The following SLFN11 variants were observed in gnomAD, a reference collection of about 807,000 sequenced individuals.
SLFN11 encodes schlafen family member 11.
Under a neutral mutation model 53.4 loss-of-function variants are expected in SLFN11, and 43 were observed. The ratio of observed to expected loss-of-function variants is 0.80; its 90% CI spans 0.63 to 1.04. The LOEUF (loss-of-function observed/expected upper bound fraction) is 1.04. SLFN11 is among the 50% of genes least tolerant of loss of function. The pLI is 0.00. For missense variants in SLFN11, 990 were observed against 1,079.1 expected (o/e 0.92, Z 1.16); for synonymous variants, 389 against 394.7 (o/e 0.99, Z 0.17).
intron 5 of SLFN11, chr17:35,359,987 T>C (rs1278316063): frequency 2.8e-6 from 1 of 353,040 alleles, no homozygotes; most frequent in Non-Finnish European, 5.1e-6. Flanking sequence ...ATCAGCCAGA[T>C]TTGGGAACTA....
At chr17:35,360,520 T>C in intron 4 of SLFN11, 149 bp from the exon 5 acceptor site, 1 of 796,788 alleles carries the variant, frequency 1.3e-6, no homozygotes. Flanking sequence ...TTACTCTAGA[T>C]AAGTGCCTTT....
intron 3 of SLFN11, among the ~76,000 whole-genome samples, chr17:35,365,302 T>C (rs1457516361): frequency 6.6e-6 from 1 of 152,048 alleles, no homozygotes; most frequent in East Asian, 1.9e-4. Flanking sequence ...AAAATATTTT[T>C]TGCGTGTGAG....
chr17:35,363,457 T>G lies in SLFN11; in HGVS notation c.351A>C (p.Glu117Asp). 1 of 1,613,920 alleles carries G rather than the reference T, an allele frequency of 6.2e-7. No individual in the cohort carries two copies. Among genetic ancestry groups the G allele is most frequent in the Non-Finnish European group, 8.5e-7 (1 of 1,179,938 alleles). Reference sequence around the variant, plus strand: ...AAAGGCGGGGCTTGACAGAGCGATCTTCAGGGAAAGGGCCACTGCTCCAAG... The same window carrying G: ...AAAGGCGGGGCTTGACAGAGCGATCGTCAGGGAAAGGGCCACTGCTCCAAG... Reference protein sequence around the residue: ...VKSWSSGPFPEDRSVKPRLCS... With the variant: ...VKSWSSGPFPDDRSVKPRLCS... The change falls in exon 4 of 7, where the codon GAA (glutamate) becomes GAC (aspartate). Residue 117 changes from glutamate to aspartate, a missense_variant. Glu to Asp is a conservative substitution (Grantham distance 45). Coordinates refer to ENST00000685675, the MANE Select transcript of SLFN11 (RefSeq NM_001376007.1).
chr17:35,361,933 C>T (rs374215296), intron 4 of SLFN11, among the ~76,000 whole-genome samples: 4 of 151,876 alleles, frequency 2.6e-5, no homozygotes, highest in African/African-American at 7.2e-5. Flanking sequence ...TTAGTAGAGA[C>T]GGGGTTTCAC....
chr17:35,359,143 C>T (rs1907882000), intron 5 of SLFN11, among the ~76,000 whole-genome samples: 2 of 151,816 alleles, frequency 1.3e-5, no homozygotes, highest in Non-Finnish European at 2.9e-5. Context: ...TTTTTTATAC[C>T]AGAATAATAG....
intron 5 of SLFN11, among the ~76,000 whole-genome samples, chr17:35,359,346 A>G (rs2141952692): frequency 6.6e-6 from 1 of 152,276 alleles, no homozygotes; most frequent in South Asian, 2.1e-4. Context: ...AAATGAATGC[A>G]AGGACCTTGG....
At chr17:35,359,294 T>C (rs953171473) in intron 5 of SLFN11, among the ~76,000 whole-genome samples, 22 of 152,242 alleles carry the variant, frequency 1.4e-4, no homozygotes, top group African/African-American at 5.1e-4. Context: ...AGATTTTACA[T>C]TGTTTATTGT....
Position 35,352,772 on chromosome 17 carries a change from A to T in SLFN11, c.2290T>A (p.Phe764Ile), listed in dbSNP as rs1906885962. 6.2e-7 allele frequency: 1 copy of T among 1,614,130 alleles called. No individual in the cohort carries two copies. The highest frequency in any genetic ancestry group is 8.5e-7 in the Non-Finnish European group (1 of 1,180,054). Reference sequence around the variant, plus strand: ...CCCTGGGACCATTCGGCTTCAGGAAATACCTCGAGGCACCCAGTGGGGATG... The same window carrying T: ...CCCTGGGACCATTCGGCTTCAGGAATTACCTCGAGGCACCCAGTGGGGATG... ...FNIPTGCLEVFPEAEWSQGVQ... is the reference protein window; with the variant it reads ...FNIPTGCLEVIPEAEWSQGVQ... The change falls in exon 7 of 7, where the codon TTT (phenylalanine) becomes ATT (isoleucine). Residue 764 changes from phenylalanine (F) to isoleucine (I), a missense_variant. Phe to Ile is a conservative substitution (Grantham distance 21, BLOSUM62 0). Around this residue, in one of 3 missense-constraint regions of SLFN11, gnomAD observed 313 missense variants for 320.9 expected, o/e 0.98. Coordinates refer to ENST00000685675, the MANE Select transcript of SLFN11 (RefSeq NM_001376007.1).
chr17:35,356,424 A>T (rs1907478746), intron 5 of SLFN11, among the ~76,000 whole-genome samples: 1 of 152,040 alleles, frequency 6.6e-6, no homozygotes. Flanking sequence ...TCATTTTCTT[A>T]ATTTCCTGCC....
At chr17:35,372,863 G>A (rs1909865743) in intron 1 of SLFN11, among the ~76,000 whole-genome samples, 1 of 152,034 alleles carries the variant, frequency 6.6e-6, no homozygotes, top group African/African-American at 2.4e-5. Context: ...AAAACTTAGA[G>A]CTCTTTGTCC....
chr17:35,367,428 G>C (rs1355401628), intron 2 of SLFN11, 175 bp downstream of exon 2: 1 of 152,076 alleles, frequency 6.6e-6, no homozygotes, highest in Admixed American at 6.5e-5. Flanking sequence ...AGCATCACTT[G>C]CACATTTTTT....
intron 3 of SLFN11, 87 bp from the exon 4 acceptor site, chr17:35,363,913 C>T (rs1011145158): frequency 7.5e-6 from 8 of 1,070,654 alleles, no homozygotes; most frequent in Non-Finnish European, 1.0e-5. Flanking sequence ...TGAGAGAAGA[C>T]AATAGACTAG....
At chr17:35,356,104 A>C (rs1276784203) in intron 5 of SLFN11, among the ~76,000 whole-genome samples, 1 of 151,740 alleles carries the variant, frequency 6.6e-6, no homozygotes, top group Admixed American at 6.6e-5. Context: ...GACTATCTTT[A>C]GTACCAGTAA....
intron 1 of SLFN11, among the ~76,000 whole-genome samples, chr17:35,370,055 GA>G (rs1448481694): frequency 4.0e-5 from 6 of 151,446 alleles, no homozygotes; most frequent in Non-Finnish European, 7.4e-5. Flanking sequence ...ACACATCAAA[GA>G]AAAAAAATTA....
In SLFN11 at chr17:35,352,680, G is replaced by A; in HGVS notation, c.2382C>T (p.Asp794=). 6.2e-7 allele frequency: 1 copy of A among 1,613,930 alleles called. No homozygotes were observed. The change falls in exon 7 of 7, where the codon GAC becomes GAT. Residue 794 remains aspartate (D), a synonymous_variant. Transcript: ENST00000685675. ...CCCTATCAAAGAAGCGCCTGCACGT[G>A]TCTGCCACACAGGTCATTATTTGCT... ...TVEQIMTCVA[D]TCRRFFDRGY...
intron 3 of SLFN11, among the ~76,000 whole-genome samples, chr17:35,365,255 C>G (rs1251498097): frequency 2.0e-5 from 3 of 151,974 alleles, no homozygotes; most frequent in Non-Finnish European, 4.4e-5. Context: ...ATAAAGTCAC[C>G]CCCTGAGACA....
intron 5 of SLFN11, among the ~76,000 whole-genome samples, chr17:35,354,545 G>A (rs1907229363): frequency 6.6e-6 from 1 of 152,094 alleles, no homozygotes; most frequent in South Asian, 2.1e-4. Context: ...CAGAGGAGAG[G>A]GAGTCATATT....
At chr17:35,363,855 A>G in intron 3 of SLFN11, 29 bp from the exon 4 acceptor site, 1 of 1,458,200 alleles carries the variant, frequency 6.9e-7, no homozygotes, top group Non-Finnish European at 9.2e-7. Context: ...TGTTACATGC[A>G]TGCAATTCAT....
At chr17:35,358,113 A>G (rs1287247782) in intron 5 of SLFN11, among the ~76,000 whole-genome samples, 1 of 150,770 alleles carries the variant, frequency 6.6e-6, no homozygotes, top group African/African-American at 2.4e-5. Flanking sequence ...ACATTCCCTG[A>G]TTCACTTATG....
Sources: gnomAD v4.1 joint callset for allele counts (sites outside exome capture counted in the v4.1 genomes callset) on GRCh38, gnomAD v4.1.1 for gene constraint, gnomAD v4.1.1 regional missense constraint, MANE v1.5 for transcripts, NCBI Gene and HGNC (gene_info 2026-07-23, HGNC 2026-07-21) for gene names.